The following RNF213 variants were observed in gnomAD, a reference collection of about 807,000 sequenced individuals.
The protein encoded by RNF213 is ring finger protein 213, also known as E3 ubiquitin-protein ligase RNF213.
In RNF213, 341 loss-of-function variants were observed where a neutral mutation model predicts 514.4. The ratio of observed to expected loss-of-function variants is 0.66; its 90% CI spans 0.61 to 0.73. RNF213 has a LOEUF of 0.73. Ranked by LOEUF, RNF213 falls within the 30% of genes least tolerant of loss-of-function variation. RNF213 has a pLI of 0.00. For synonymous variants in RNF213, 2,655 were observed against 2,658.2 expected (o/e 1.00, Z 0.04); for missense variants, 5,767 against 6,615.6 (o/e 0.87, Z 4.45).
In RNF213 at chr17:80,264,057, C is replaced by T. The variant is rs1024426171; in HGVS notation, c.97+279C>T. 5.3e-5 allele frequency among the ~76,000 whole-genome samples: 8 copies of T among 152,172 alleles called. No individual in the cohort carries two copies. Among genetic ancestry groups the T allele is most frequent in the South Asian group, 2.1e-4 (1 of 4,826 alleles). The stretch of plus-strand genomic sequence containing the variant: ...CAGGCCCGGCCTGAGTGAGCCCACC[C>T]GAGTGGGAGGAGAGGGCAGGGCCAG... On this transcript the variant is annotated intron_variant, in intron 2 of 67. Coordinates refer to ENST00000582970, the MANE Select transcript of RNF213 (RefSeq NM_001256071.3). This position sits in a 1 kb window ranked among gnomAD's most constrained non-coding sequence, Gnocchi z 5.0.
intron 16 of RNF213, among the ~76,000 whole-genome samples, chr17:80,318,280 G>A (rs896077995): frequency 6.6e-6 from 1 of 152,202 alleles, no homozygotes; most frequent in Non-Finnish European, 1.5e-5. Flanking sequence ...GTAGGCACAC[G>A]GGGATAGAGG....
Position 80,346,358 on chromosome 17 carries a change from C to T in RNF213, c.8023C>T (p.His2675Tyr), listed in dbSNP as rs953423798. The change falls in exon 29 of 68, where the codon CAC (histidine) becomes TAC (tyrosine). Residue 2675 changes from histidine to tyrosine, a missense_variant. His to Tyr is a moderately conservative substitution (Grantham distance 83). Transcript: ENST00000582970. The surrounding 1 kb of genome is among the most constrained non-coding windows in gnomAD (Gnocchi z 8.1). ...FLSKSSVSKN[H>Y]TERDPVLWSL... ...CTCCAAGTCCAGCGTCAGCAAAAAT[C>T]ACACCGAGAGAGATCCCGTCCTCTG... is the stretch of plus-strand genomic sequence containing the variant. The T allele has an allele frequency of 1.9e-6, 3 of 1,613,470 alleles. No individual in the cohort carries two copies. The Admixed American group carries it at 5.0e-5, about 27-fold the overall frequency.
intron 12 of RNF213, 60 bp downstream of exon 12, chr17:80,306,528 A>G: frequency 1.3e-6 from 2 of 1,496,906 alleles, no homozygotes; most frequent in Non-Finnish European, 1.9e-6. Flanking sequence ...AGATAACTAA[A>G]CATGGAAAGC....
At position 80,264,888 on chromosome 17, in the gene RNF213, G is replaced by A. The variant is rs1382129969; in HGVS notation, c.97+1110G>A. Among the ~76,000 whole-genome samples, 2 of 152,116 alleles carry A rather than the reference G, an allele frequency of 1.3e-5. No homozygotes were observed. The highest frequency in any genetic ancestry group is 3.9e-4 in the East Asian group (2 of 5,172). On this transcript the variant is annotated intron_variant, in intron 2 of 67. Transcript: ENST00000582970. The surrounding 1 kb of genome is among the most constrained non-coding windows in gnomAD (Gnocchi z 5.0). Reference sequence around the variant, plus strand: ...CTTCTGGCCCTTCCTGGATACACCAGGTGTGCTTCCACCGCAGGGCCTTTG... The same window carrying A: ...CTTCTGGCCCTTCCTGGATACACCAAGTGTGCTTCCACCGCAGGGCCTTTG...
chr17:80,291,823 A>G lies in RNF213; in HGVS notation c.1467A>G (p.Ser489=), dbSNP rs765327318. ...CLFIKSSLLG[S]GDWHQYYDIV... ...TCATAAAATCTTCACTTCTGGGCTC[A>G]GGAGGTAAGTCGTGGCAGCAGGCTG... is the stretch of plus-strand genomic sequence containing the variant. The change falls in exon 8 of 68, where the codon TCA becomes TCG. Residue 489 remains serine (S), a synonymous_variant. Coordinates refer to ENST00000582970, the MANE Select transcript of RNF213 (RefSeq NM_001256071.3). The G allele has an allele frequency of 6.2e-7, 1 of 1,613,832 alleles. No homozygotes were observed.
rs151050026 is a variant in RNF213 at position 80,345,326 on chromosome 17, G to A, written c.6991G>A (p.Asp2331Asn). ...GCAGCCCAACATCAACGGCAGTGTC[G>A]ATGCCATCAGTCACTTGACTGGGAA... is the stretch of plus-strand genomic sequence containing the variant. ...HLQPNINGSV[D>N]AISHLTGKVI... The change falls in exon 29 of 68, where the codon GAT becomes AAT. Residue 2331 changes from aspartate (D) to asparagine (N), a missense_variant. Asp to Asn is a conservative substitution (Grantham distance 23). Around this residue, in one of 13 missense-constraint regions of RNF213, gnomAD observed 1,377 missense variants for 1,635.2 expected, o/e 0.84. Coordinates refer to ENST00000582970, the MANE Select transcript of RNF213 (RefSeq NM_001256071.3). This position sits in a 1 kb window ranked among gnomAD's most constrained non-coding sequence, Gnocchi z 6.0. The A allele has an allele frequency of 2.9e-5, 47 of 1,613,920 alleles. No individual in the cohort carries two copies. The highest frequency in any genetic ancestry group is 1.2e-4 in the African/African-American group (9 of 74,850).
rs1392075451 is a variant in RNF213, at chr17:80,264,128, G to T, written c.97+350G>T. Among the ~76,000 whole-genome samples the T allele has an allele frequency of 2.0e-5, 3 of 152,204 alleles. No homozygotes were observed. Among genetic ancestry groups the T allele is most frequent in the Non-Finnish European group, 4.4e-5 (3 of 68,030 alleles). On this transcript the variant is annotated intron_variant, in intron 2 of 67. Transcript: ENST00000582970. This position sits in a 1 kb window ranked among gnomAD's most constrained non-coding sequence, Gnocchi z 5.0. Reference sequence around the variant, plus strand: ...AGAAGTTTTGTCGGGGTCTTTGCTGGAGGTTCCTGCTTTTGAAAATTTTCA... The same window carrying T: ...AGAAGTTTTGTCGGGGTCTTTGCTGTAGGTTCCTGCTTTTGAAAATTTTCA...
At chr17:80,360,986 C>G (rs2079034303) in intron 38 of RNF213, among the ~76,000 whole-genome samples, 2 of 152,148 alleles carry the variant, frequency 1.3e-5, no homozygotes, top group African/African-American at 4.8e-5. Flanking sequence ...TGCACCCCGC[C>G]CACTAGAAGC....
intron 30 of RNF213, 24 bp from the exon 31 acceptor site, chr17:80,350,277 T>A (rs1369173415): frequency 7.1e-7 from 1 of 1,418,158 alleles, no homozygotes; most frequent in Admixed American, 1.7e-5. Flanking sequence ...AGAACTCACT[T>A]GAATAACTTC....
chr17:80,359,711 A>G (rs2078983261), intron 37 of RNF213, among the ~76,000 whole-genome samples: 2 of 152,192 alleles, frequency 1.3e-5, no homozygotes, highest in Non-Finnish European at 2.9e-5. Flanking sequence ...GCTGATGTTC[A>G]TGAAGCAAAG....
rs1253440822 is a variant in RNF213 at position 80,393,833 on chromosome 17, A to T, written c.*335A>T. ...TAGCTCAGCCACACACGCAGTAATG[A>T]CCTGTGCCCGTTCGCCTCTGGCACT... On this transcript the variant is annotated 3_prime_UTR_variant, in exon 68 of 68. Coordinates refer to ENST00000582970, the MANE Select transcript of RNF213 (RefSeq NM_001256071.3). 3.2e-6 allele frequency: 1 copy of T among 311,428 alleles called. No individual in the cohort carries two copies. Among genetic ancestry groups the T allele is most frequent in the Non-Finnish European group, 6.2e-6 (1 of 161,148 alleles). 19.3% of individuals were successfully genotyped at this position (311,428 alleles called of 1,614,324 possible). A position where few individuals can be genotyped will look rare whatever the true frequency, so the allele number is the denominator to read the frequency against.
chr17:80,312,467 A>G (rs999299827), intron 14 of RNF213, among the ~76,000 whole-genome samples: 8 of 146,482 alleles, frequency 5.5e-5, no homozygotes, highest in African/African-American at 2.0e-4. Context: ...TCTGGCATGG[A>G]GGCAGGGGGA....
At chr17:80,328,107 G>A (rs2046325787) in intron 19 of RNF213, 118 bp downstream of exon 19, 3 of 1,255,898 alleles carry the variant, frequency 2.4e-6, no homozygotes, top group Non-Finnish European at 3.3e-6. Flanking sequence ...TTGATAATGA[G>A]TATCTCTTCT....
intron 2 of RNF213, among the ~76,000 whole-genome samples, chr17:80,266,221 C>A (rs527239020): frequency 2.7e-4 from 41 of 150,840 alleles, no homozygotes; most frequent in Non-Finnish European, 4.9e-4. Context: ...GTGAGTAGAT[C>A]GCTTGAGCCC....
chr17:80,363,935 C>A, intron 41 of RNF213, 145 bp downstream of exon 41: 1 of 840,068 alleles, frequency 1.2e-6, no homozygotes, highest in Non-Finnish European at 2.0e-6. Context: ...TCCGCATTTG[C>A]CGAACCCTTA....
chr17:80,354,816 C>T, intron 36 of RNF213: 2 of 571,930 alleles, frequency 3.5e-6, no homozygotes, highest in Non-Finnish European at 3.1e-6. Flanking sequence ...ATACTAAAAA[C>T]TTAAAAAAAG....
intron 44 of RNF213, among the ~76,000 whole-genome samples, chr17:80,368,897 TCCC>T (rs539706707): frequency 2.0e-5 from 3 of 151,878 alleles, no homozygotes; most frequent in African/African-American, 7.3e-5. Flanking sequence ...TCCTTCCCCT[TCCC>T]CCCTTCTCAG....
In RNF213 at chr17:80,353,381, A is replaced by G. The variant is rs1009847512; in HGVS notation, c.10424-131A>G. The G allele has an allele frequency of 3.8e-6, 4 of 1,039,798 alleles. No homozygotes were observed. The highest frequency in any genetic ancestry group is 1.5e-6 in the Non-Finnish European group (1 of 689,114). 64.4% of individuals were successfully genotyped at this position (1,039,798 alleles called of 1,614,324 possible). A position where few individuals can be genotyped will look rare whatever the true frequency, so the allele number is the denominator to read the frequency against. On this transcript the variant is annotated intron_variant, in intron 33 of 67. Transcript: ENST00000582970. This position sits in a 1 kb window ranked among gnomAD's most constrained non-coding sequence, Gnocchi z 5.0. Reference sequence around the variant, plus strand: ...CATGACCGTGATCTCTCATCTGGGGACCTAGCACCACAGCAGGGGCCGGGG... The same window carrying G: ...CATGACCGTGATCTCTCATCTGGGGGCCTAGCACCACAGCAGGGGCCGGGG...
In RNF213 at chr17:80,291,733, T is replaced by C. The variant is rs1230303691; in HGVS notation, c.1377T>C (p.Ser459=). Reference sequence around the variant, plus strand: ...AGTACGTCATTTATAATGGGGAATCTTTTGAGTATGAGTTCATTTACAAGC... The same window carrying C: ...AGTACGTCATTTATAATGGGGAATCCTTTGAGTATGAGTTCATTTACAAGC... ...PYKYVIYNGE[S]FEYEFIYKHQ... The change falls in exon 8 of 68, where the codon TCT becomes TCC. Residue 459 remains serine, a synonymous_variant. Coordinates refer to ENST00000582970, the MANE Select transcript of RNF213 (RefSeq NM_001256071.3). The C allele has an allele frequency of 6.2e-7, 1 of 1,614,096 alleles. No homozygotes were observed. The highest frequency in any genetic ancestry group is 8.5e-7 in the Non-Finnish European group (1 of 1,180,040).
Sources: allele counts gnomAD v4.1 joint callset (sites outside exome capture counted in the v4.1 genomes callset), GRCh38; gene constraint gnomAD v4.1.1; regional missense constraint gnomAD v4.1.1; non-coding constraint Gnocchi (gnomAD v3.1); transcripts MANE v1.5; gene names NCBI Gene and HGNC (gene_info 2026-07-23, HGNC 2026-07-21).